Variants in AGBL4 observed in about 807,000 individuals in gnomAD.
AGBL4 encodes cytosolic carboxypeptidase 6.
In AGBL4, 58 loss-of-function variants were observed where a neutral mutation model predicts 66.4. The ratio of observed to expected loss-of-function variants is 0.87; its 90% CI spans 0.71 to 1.09. AGBL4 has a LOEUF of 1.09. Ranked by LOEUF, AGBL4 falls within the 50% of genes least tolerant of loss-of-function variation. AGBL4 has a pLI of 0.00. For synonymous variants in AGBL4, 234 were observed against 222.9 expected (o/e 1.05, Z -0.44); for missense variants, 579 against 631.0 (o/e 0.92, Z 0.88).
intron 2 of AGBL4, among the ~76,000 whole-genome samples, chr1:49,809,065 C>A (rs867884639): frequency 6.6e-6 from 1 of 152,128 alleles, no homozygotes; most frequent in Non-Finnish European, 1.5e-5. Flanking sequence ...GAGTTATGTG[C>A]TACCAATTGA....
At chr1:49,032,380 G>A (rs1481658827) in intron 5 of AGBL4, among the ~76,000 whole-genome samples, 1 of 152,188 alleles carries the variant, frequency 6.6e-6, no homozygotes, top group African/African-American at 2.4e-5. Context: ...CAAGATGTCA[G>A]TAGAAGAGAA....
intron 6 of AGBL4, among the ~76,000 whole-genome samples, chr1:48,698,166 G>T (rs1468180160): frequency 1.3e-5 from 2 of 152,230 alleles, no homozygotes; most frequent in African/African-American, 4.8e-5. Context: ...TGGTTTGGGG[G>T]TGACCTCAGC....
intron 1 of AGBL4, among the ~76,000 whole-genome samples, chr1:49,918,721 C>T (rs1028511640): frequency 2.0e-5 from 3 of 152,212 alleles, no homozygotes; most frequent in Non-Finnish European, 4.4e-5. Flanking sequence ...AGGGAATACT[C>T]CCTAACTCAT....
At chr1:49,454,277 G>A (rs1646342542) in intron 3 of AGBL4, among the ~76,000 whole-genome samples, 6 of 151,784 alleles carry the variant, frequency 4.0e-5, no homozygotes, top group Admixed American at 4.0e-4. Flanking sequence ...CAATTGCACA[G>A]ATACTATTTA....
intron 2 of AGBL4, among the ~76,000 whole-genome samples, chr1:49,848,910 TAATC>T (rs1476643810): frequency 6.6e-6 from 1 of 152,198 alleles, no homozygotes; most frequent in Non-Finnish European, 1.5e-5. Context: ...TAGATATTCC[TAATC>T]AATCACTTTT....
chr1:49,990,046 T>C (rs1409857313), intron 1 of AGBL4, among the ~76,000 whole-genome samples: 3 of 152,276 alleles, frequency 2.0e-5, no homozygotes, highest in East Asian at 3.9e-4. Context: ...ATCCTGTGCC[T>C]CTAGGCATAA....
intron 2 of AGBL4, among the ~76,000 whole-genome samples, chr1:49,827,817 T>C (rs1367935471): frequency 3.3e-5 from 5 of 152,194 alleles, no homozygotes; most frequent in African/African-American, 9.7e-5. Context: ...TAGAGAGCCA[T>C]GACAGACTGG....
intron 2 of AGBL4, among the ~76,000 whole-genome samples, chr1:49,721,797 A>G (rs1235896907): frequency 6.6e-6 from 1 of 152,170 alleles, no homozygotes; most frequent in Non-Finnish European, 1.5e-5. Context: ...GTTAAGGGAT[A>G]AACTCTTCTT....
chr1:49,347,792 A>G (rs1173586540), intron 3 of AGBL4, among the ~76,000 whole-genome samples: 1 of 151,334 alleles, frequency 6.6e-6, no homozygotes, highest in Non-Finnish European at 1.5e-5. Context: ...CCCGGGAGGC[A>G]GACGTTGCAG....
intron 3 of AGBL4, among the ~76,000 whole-genome samples, chr1:49,581,156 T>C (rs1297250120): frequency 6.6e-6 from 1 of 152,110 alleles, no homozygotes; most frequent in Non-Finnish European, 1.5e-5. Flanking sequence ...GCACATATTT[T>C]ATATTTACTT....
chr1:49,636,857 T>C lies in AGBL4; in HGVS notation c.282+60456A>G, dbSNP rs1645682887. 2.0e-5 allele frequency among the ~76,000 whole-genome samples: 3 copies of C among 152,118 alleles called. No individual in the cohort carries two copies. The South Asian group carries it at 6.2e-4, about 32-fold the overall frequency. On this transcript the variant is annotated intron_variant, in intron 3 of 13. Transcript: ENST00000371839. ...AATACTGAGTGTCAACTTGATTGGA[T>C]TGAAAGATGAAAAATATTGATCCTG...
intron 7 of AGBL4, among the ~76,000 whole-genome samples, chr1:48,656,458 A>T (rs1044426554): frequency 1.3e-5 from 2 of 152,226 alleles, no homozygotes; most frequent in African/African-American, 4.8e-5. Flanking sequence ...AATGCCTAAG[A>T]TGGTCCTGCC....
chr1:48,604,077 G>A (rs1418823223), intron 9 of AGBL4, among the ~76,000 whole-genome samples: 2 of 152,132 alleles, frequency 1.3e-5, no homozygotes, highest in African/African-American at 4.8e-5. Flanking sequence ...AGGTTGCAGT[G>A]AGCCGAGTTG....
intron 6 of AGBL4, among the ~76,000 whole-genome samples, chr1:48,762,614 T>TGTGTG (rs1644323705): frequency 4.0e-5 from 3 of 75,148 alleles, no homozygotes; most frequent in African/African-American, 1.2e-4. Context: ...TTTAAGGGTT[T>TGTGTG]TGTGTGTGTG....
chr1:48,544,328 G>A (rs563942994), intron 11 of AGBL4, among the ~76,000 whole-genome samples: 2 of 152,350 alleles, frequency 1.3e-5, no homozygotes, highest in South Asian at 4.1e-4. Flanking sequence ...GAGCTACAGG[G>A]CAGAGAGGAA....
chr1:49,486,037 T>A (rs1279521503), intron 3 of AGBL4, among the ~76,000 whole-genome samples: 1 of 151,994 alleles, frequency 6.6e-6, no homozygotes, highest in African/African-American at 2.4e-5. Context: ...TTTACCCTGA[T>A]GTGAAGATGC....
At position 49,843,226 on chromosome 1, in the gene AGBL4, G is replaced by A. The variant is rs117628171; in HGVS notation, c.157+8170C>T. Reference sequence around the variant, plus strand: ...ACAGCAACCTCGACCTTCTGGGCTCGGGTGATCCTCCTGCCTCGGCCTCCT... The same window carrying A: ...ACAGCAACCTCGACCTTCTGGGCTCAGGTGATCCTCCTGCCTCGGCCTCCT... On this transcript the variant is annotated intron_variant, in intron 2 of 13. Transcript: ENST00000371839. 3.3e-3 allele frequency among the ~76,000 whole-genome samples: 505 copies of A among 152,152 alleles called. 9 individuals carry two copies. In the East Asian group the frequency reaches 0.063, roughly 19 times the overall value.
rs35734647 is a variant in AGBL4, at chr1:49,542,896, C to CAAAAA, written c.282+154412_282+154416dup. ...CCTGGGTGACAGAGTAAGACTCCATCAAAAAAAAAAAAAAAAAAAAAAAAA... is the reference window on the plus strand; with the variant it reads ...CCTGGGTGACAGAGTAAGACTCCATCAAAAAAAAAAAAAAAAAAAAAAAAAAAAAA... On this transcript the variant is annotated intron_variant, in intron 3 of 13. Transcript: ENST00000371839. Among the ~76,000 whole-genome samples the CAAAAA allele has an allele frequency of 1.0e-3, 24 of 22,890 alleles. 1 individual carries two copies. Among genetic ancestry groups the CAAAAA allele is most frequent in the African/African-American group, 3.7e-3 (18 of 4,900 alleles). 15.0% of individuals were successfully genotyped at this position (22,890 alleles called of 152,430 possible).
chr1:49,600,688 C>T (rs79808498), intron 3 of AGBL4, among the ~76,000 whole-genome samples: 2 of 152,152 alleles, frequency 1.3e-5, no homozygotes, highest in Non-Finnish European at 1.5e-5. Flanking sequence ...TTAGTTGATG[C>T]AGTTTCTTCA....
Sources: allele counts gnomAD v4.1 joint callset (sites outside exome capture counted in the v4.1 genomes callset), GRCh38; gene constraint gnomAD v4.1.1; transcripts MANE v1.5; gene names NCBI Gene and HGNC (gene_info 2026-07-23, HGNC 2026-07-21).